Variants in SDK2 observed in about 807,000 individuals in gnomAD.
SDK2 encodes the protein protein sidekick-2.
SDK2 carries 105 observed loss-of-function variants against 253.9 expected under a neutral mutation model. The observed-to-expected ratio is 0.41, with a 90% confidence interval of 0.35 to 0.49. The LOEUF is 0.49. Ranked by LOEUF, SDK2 falls within the 20% of genes least tolerant of loss-of-function variation. SDK2 has a pLI of 0.06. For synonymous variants in SDK2, 1,249 were observed against 1,234.9 expected (o/e 1.01, Z -0.24); for missense variants, 2,608 against 3,003.0 (o/e 0.87, Z 3.07).
At chr17:73,525,166 G>A (rs1877030717) in intron 1 of SDK2, among the ~76,000 whole-genome samples, 1 of 152,202 alleles carries the variant, frequency 6.6e-6, no homozygotes, top group African/African-American at 2.4e-5. Flanking sequence ...AAGAAGCCCG[G>A]AGAACCATGG....
intron 1 of SDK2, among the ~76,000 whole-genome samples, chr17:73,641,475 A>G: frequency 6.6e-6 from 1 of 152,232 alleles, no homozygotes; most frequent in Middle Eastern, 3.4e-3. Context: ...ACCTCACTGC[A>G]CTTTGCTTGG....
At position 73,643,957 on chromosome 17, in the gene SDK2, T is replaced by TACC; in HGVS notation, c.64+67_64+68insGGT. 2.9e-6 allele frequency: 3 copies of TACC among 1,019,990 alleles called. No individual in the cohort carries two copies. The highest frequency in any genetic ancestry group is 1.5e-6 in the Non-Finnish European group (1 of 674,876). 63.2% of individuals were successfully genotyped at this position (1,019,990 alleles called of 1,614,324 possible). The stretch of plus-strand genomic sequence containing the variant: ...GGAGGTCACCGTGAGGCCGGCCAGC[T>TACC]CCCGCCGCCCCTCCCCCGCCCACTC... On this transcript the variant is annotated intron_variant, in intron 1 of 44. Transcript: ENST00000392650. This position sits in a 1 kb window ranked among gnomAD's most constrained non-coding sequence, Gnocchi z 6.9.
Position 73,541,797 on chromosome 17 carries a change from G to C in SDK2, c.65-34200C>G, listed in dbSNP as rs79579423. ...AAGCAGCTTGGCACAAACAGAATCCGGCTACGGAAAATTCAAAATGTATTT... is the reference window on the plus strand; with the variant it reads ...AAGCAGCTTGGCACAAACAGAATCCCGCTACGGAAAATTCAAAATGTATTT... On this transcript the variant is annotated intron_variant, in intron 1 of 44. Coordinates refer to ENST00000392650, the MANE Select transcript of SDK2 (RefSeq NM_001144952.2). This position sits in a 1 kb window ranked among gnomAD's most constrained non-coding sequence, Gnocchi z 4.3. Among the ~76,000 whole-genome samples, 1,525 of 152,216 alleles carry C rather than the reference G, an allele frequency of 0.01. 29 individuals are homozygous for C. Among genetic ancestry groups the C allele is most frequent in the African/African-American group, 0.035 (1,471 of 41,496 alleles).
intron 1 of SDK2, among the ~76,000 whole-genome samples, chr17:73,587,493 T>G (rs1350609419): frequency 6.6e-6 from 1 of 152,246 alleles, no homozygotes; most frequent in Admixed American, 6.5e-5. Flanking sequence ...CAATTTCCCT[T>G]TGGCCGCAGG....
Position 73,395,529 on chromosome 17 carries a change from A to C in SDK2, c.3355-137T>G. 1 of 653,088 alleles carries C rather than the reference A, an allele frequency of 1.5e-6. No individual in the cohort carries two copies. Among genetic ancestry groups the C allele is most frequent in the South Asian group, 1.9e-5 (1 of 53,210 alleles). The allele number at this position is 653,088 out of a possible 1,614,324, so 40.5% of individuals were successfully genotyped here. A position where few individuals can be genotyped will look rare whatever the true frequency, so the allele number is the denominator to read the frequency against. On this transcript the variant is annotated intron_variant, in intron 24 of 44. Coordinates refer to ENST00000392650, the MANE Select transcript of SDK2 (RefSeq NM_001144952.2). The surrounding 1 kb of genome is among the most constrained non-coding windows in gnomAD (Gnocchi z 4.3). The stretch of plus-strand genomic sequence containing the variant: ...CTGTCACCCGGTCAGTGTCCACATG[A>C]GGCTCTCTCACCCGAGTGTGGCTTA...
rs1441823253 is a variant in SDK2 at position 73,430,695 on chromosome 17, GC to G, written c.1481-83del. 17 of 890,656 alleles carry G rather than the reference GC, an allele frequency of 1.9e-5. 1 individual carries two copies. The Admixed American group carries it at 3.2e-4, about 17-fold the overall frequency. The allele number at this position is 890,656 out of a possible 1,614,324, so 55.2% of individuals were successfully genotyped here. On this transcript the variant is annotated intron_variant, in intron 11 of 44. Coordinates refer to ENST00000392650, the MANE Select transcript of SDK2 (RefSeq NM_001144952.2). ...GACTCTGGGTGGATACCATATGAAAGCCCCCAAATGGTTAAAAAGAACAATG... is the reference window on the plus strand; with the variant it reads ...GACTCTGGGTGGATACCATATGAAAGCCCCAAATGGTTAAAAAGAACAATG...
At chr17:73,506,423 C>A (rs961829644) in intron 2 of SDK2, among the ~76,000 whole-genome samples, 1 of 152,166 alleles carries the variant, frequency 6.6e-6, no homozygotes, top group African/African-American at 2.4e-5. Context: ...CCACACTACA[C>A]CAGCCCATGC....
At chr17:73,381,852 C>A (rs939393564) in intron 33 of SDK2, among the ~76,000 whole-genome samples, 1 of 151,718 alleles carries the variant, frequency 6.6e-6, no homozygotes, top group South Asian at 2.1e-4. Flanking sequence ...TGAGATCATG[C>A]CACTGTACTC....
chr17:73,363,809 C>A (rs1268673436), intron 38 of SDK2, among the ~76,000 whole-genome samples: 2 of 152,050 alleles, frequency 1.3e-5, no homozygotes, highest in African/African-American at 4.8e-5. Context: ...CTTGTGCTGG[C>A]CCCCTGTACC....
chr17:73,500,385 AT>A (rs2063879886), intron 2 of SDK2, among the ~76,000 whole-genome samples: 1 of 106,968 alleles, frequency 9.3e-6, no homozygotes. Flanking sequence ...TCCTCCCTCC[AT>A]TCTCCTCCAT....
intron 1 of SDK2, among the ~76,000 whole-genome samples, chr17:73,569,751 A>C (rs1470229799): frequency 6.6e-6 from 1 of 151,928 alleles, no homozygotes; most frequent in East Asian, 1.9e-4. Flanking sequence ...AGAAAAGAAA[A>C]CTGGGTCAAT....
Position 73,390,446 on chromosome 17 carries a change from C to T in SDK2, c.4033G>A (p.Ala1345Thr), listed in dbSNP as rs758881108. Residue 1345 changes from alanine to threonine, a missense_variant, in exon 29 of 45, where the codon GCC becomes ACC. Physicochemically the swap from Ala to Thr is moderately conservative, Grantham distance 58 (BLOSUM62 0). Transcript: ENST00000392650. ...AGCACCTCCACAGTGGCGGTGTTGG[C>T]CGTGGTGGTGTTGAGCCGGTGTGTG... ...QITHRLNTTTANTATVEVLAP... is the reference protein window; with the variant it reads ...QITHRLNTTTTNTATVEVLAP... 6 of 1,611,894 alleles carry T rather than the reference C, an allele frequency of 3.7e-6. No homozygotes were observed. In the South Asian group the frequency reaches 6.6e-5, roughly 18 times the overall value.
chr17:73,634,488 A>G (rs2046306721), intron 1 of SDK2, among the ~76,000 whole-genome samples: 1 of 152,228 alleles, frequency 6.6e-6, no homozygotes, highest in African/African-American at 2.4e-5. Flanking sequence ...CTACCCACAT[A>G]CATTTGAGAT....
intron 1 of SDK2, among the ~76,000 whole-genome samples, chr17:73,573,634 C>A (rs2045417949): frequency 6.6e-6 from 1 of 152,228 alleles, no homozygotes; most frequent in Non-Finnish European, 1.5e-5. Flanking sequence ...GCACCACCAC[C>A]AGCTCTGGCC....
chr17:73,515,685 C>G (rs757627572), intron 1 of SDK2, among the ~76,000 whole-genome samples: 1 of 152,236 alleles, frequency 6.6e-6, no homozygotes, highest in Non-Finnish European at 1.5e-5. Flanking sequence ...GAAGAAGGGG[C>G]TAAGCTGGGG....
At chr17:73,387,760 C>A in intron 30 of SDK2, 76 bp downstream of exon 30, 1 of 1,355,902 alleles carries the variant, frequency 7.4e-7, no homozygotes, top group South Asian at 1.4e-5. Flanking sequence ...AGAAGGCCCC[C>A]TACCCAGTGG....
chr17:73,547,148 T>C (rs933905315), intron 1 of SDK2, among the ~76,000 whole-genome samples: 3 of 152,224 alleles, frequency 2.0e-5, no homozygotes, highest in African/African-American at 4.8e-5. Context: ...GCAAGTGATA[T>C]AGTCAGTGTC....
In SDK2 at chr17:73,457,071, G is replaced by A. The variant is rs564666190; in HGVS notation, c.332-1018C>T. Among the ~76,000 whole-genome samples the A allele has an allele frequency of 3.9e-5, 6 of 152,254 alleles. No homozygotes were observed. The East Asian group carries it at 1.2e-3, about 29-fold the overall frequency. On this transcript the variant is annotated intron_variant, in intron 3 of 44. Transcript: ENST00000392650. ...CAAGTGTGTCCATGTTCAACTGTGA[G>A]GAGCATATTATTTGTCCCAAACTTG...
At chr17:73,531,397 C>T (rs928139744) in intron 1 of SDK2, among the ~76,000 whole-genome samples, 8 of 152,330 alleles carry the variant, frequency 5.3e-5, no homozygotes, top group African/African-American at 1.9e-4. Context: ...GCCCTTCCCC[C>T]ACCTCTGACC....
Sources: allele counts gnomAD v4.1 joint callset (sites outside exome capture counted in the v4.1 genomes callset), GRCh38; gene constraint gnomAD v4.1.1; non-coding constraint Gnocchi (gnomAD v3.1); transcripts MANE v1.5; gene names NCBI Gene and HGNC (gene_info 2026-07-23, HGNC 2026-07-21).